Variants in AFF1 observed in about 807,000 individuals in gnomAD.
AFF1 encodes the protein AF4/FMR2 family member 1.
AFF1 carries 48 observed loss-of-function variants against 121.7 expected under a neutral mutation model. The observed-to-expected ratio is 0.39, with a 90% CI of 0.31 to 0.50. AFF1 has a LOEUF of 0.50. AFF1 is among the 20% of genes least tolerant of loss of function. AFF1 has a pLI of 0.76. For missense variants in AFF1, 1,523 were observed against 1,511.7 expected, an observed-to-expected ratio of 1.01 and a Z score of -0.12; for synonymous variants, 613 against 563.0, an observed-to-expected ratio of 1.09 and a Z score of -1.26.
intron 10 of AFF1, 141 bp from the exon 11 acceptor site, chr4:87,108,018 C>G: frequency 1.2e-6 from 1 of 823,958 alleles, no homozygotes; most frequent in Non-Finnish European, 1.8e-6. Context: ...TTGGGCCTCT[C>G]TCAGTTGGAT....
chr4:87,113,871 A>C (rs1163734616), intron 11 of AFF1, among the ~76,000 whole-genome samples: 2 of 152,154 alleles, frequency 1.3e-5, no homozygotes, highest in African/African-American at 4.8e-5. Context: ...GTCACACACA[A>C]AAAAGAGAAA....
chr4:86,980,926 G>A (rs1723686370), intron 2 of AFF1, among the ~76,000 whole-genome samples: 1 of 145,062 alleles, frequency 6.9e-6, no homozygotes, highest in South Asian at 2.1e-4. Context: ...TATAATCCCA[G>A]CACTTTGCGA....
At chr4:87,011,623 T>G (rs985736874) in intron 2 of AFF1, among the ~76,000 whole-genome samples, 7 of 152,238 alleles carry the variant, frequency 4.6e-5, no homozygotes, top group Admixed American at 4.6e-4. Flanking sequence ...GAAGAGATTT[T>G]GGGATGGAAA....
rs781023474 is a variant in AFF1, at chr4:87,046,826, G to A, written c.291G>A (p.Pro97=). The change falls in exon 4 of 21, where the codon CCG becomes CCA. Residue 97 remains proline (P), a synonymous_variant. Coordinates refer to ENST00000395146, the MANE Select transcript of AFF1 (RefSeq NM_001166693.3). ...CTTCTGAAAATAGGTTGGGAAAGCC[G>A]AAATATCCTTTAATTCCTGACAAAG... ...LDASENRLGK[P]KYPLIPDKGS... The A allele has an allele frequency of 7.9e-5, 127 of 1,614,058 alleles. No homozygotes were observed. The highest frequency in any genetic ancestry group is 9.6e-5 in the Non-Finnish European group (113 of 1,180,032).
At chr4:86,945,084 A>G (rs1262386815) in intron 1 of AFF1, among the ~76,000 whole-genome samples, 1 of 152,248 alleles carries the variant, frequency 6.6e-6, no homozygotes, top group Non-Finnish European at 1.5e-5. Context: ...GTGTGGATAT[A>G]GCTGCTACCA....
At chr4:87,085,132 C>T (rs557729155) in intron 5 of AFF1, among the ~76,000 whole-genome samples, 1 of 152,226 alleles carries the variant, frequency 6.6e-6, no homozygotes, top group Admixed American at 6.5e-5. Flanking sequence ...ACATTACCCA[C>T]TTGTTCAATT....
intron 2 of AFF1, among the ~76,000 whole-genome samples, chr4:86,985,501 CTG>C (rs1724177016): frequency 7.3e-6 from 1 of 137,530 alleles, no homozygotes; most frequent in Admixed American, 7.6e-5. Flanking sequence ...CAGCGAGACA[CTG>C]TCTCAAAAAA....
At chr4:87,093,639 G>A (rs1724538952) in intron 7 of AFF1, among the ~76,000 whole-genome samples, 1 of 152,158 alleles carries the variant, frequency 6.6e-6, no homozygotes, top group African/African-American at 2.4e-5. Context: ...CTGAAGAGGA[G>A]GGGCCTCTGC....
chr4:86,992,362 A>C (rs1296898354), intron 2 of AFF1, among the ~76,000 whole-genome samples: 1 of 152,224 alleles, frequency 6.6e-6, no homozygotes, highest in Non-Finnish European at 1.5e-5. Context: ...GTGCATGCTC[A>C]GTAAATTCAT....
intron 2 of AFF1, chr4:87,006,992 A>C: frequency 3.7e-6 from 4 of 1,070,390 alleles, no homozygotes; most frequent in East Asian, 5.4e-5. Context: ...CCCAGAGGCA[A>C]TTTCTTTTCC....
At chr4:87,072,977 G>A (rs779998429) in intron 4 of AFF1, among the ~76,000 whole-genome samples, 3 of 151,822 alleles carry the variant, frequency 2.0e-5, no homozygotes, top group Admixed American at 1.3e-4. Flanking sequence ...GATGTAGTTT[G>A]TGTATAGTTT....
rs1730768432 is a variant in AFF1 at position 87,047,020 on chromosome 4, A to G, written c.485A>G (p.Asp162Gly). The change falls in exon 4 of 21, where the codon GAC (aspartate) becomes GGC (glycine). Residue 162 changes from aspartate (D) to glycine (G), a missense_variant. Asp to Gly is a moderately conservative substitution (Grantham distance 94). Around this residue, in one of 5 missense-constraint regions of AFF1, gnomAD observed 369 missense variants for 367.2 expected, o/e 1.00. Transcript: ENST00000395146. ...CATGCCAAAAGCTGCGGCCCACCGG[A>G]CAGCCAGCACCTGACCCAGGATCGC... ...SLHAKSCGPP[D>G]SQHLTQDRLG... 2.5e-6 allele frequency: 4 copies of G among 1,614,092 alleles called. No individual in the cohort carries two copies. The highest frequency in any genetic ancestry group is 3.4e-6 in the Non-Finnish European group (4 of 1,180,044).
In AFF1 at chr4:87,115,152, C is replaced by T. The variant is rs1357494257; in HGVS notation, c.2319C>T (p.Thr773=). Residue 773 remains threonine (T), a synonymous_variant, in exon 12 of 21, where the codon ACC becomes ACT. Transcript: ENST00000395146. ...PPPQSLMVKI[T]LDLLSRIPQP... ...CACAAAGCTTGATGGTGAAGATCACCCTAGACCTGCTCTCTCGGATACCCC... is the reference window on the plus strand; with the variant it reads ...CACAAAGCTTGATGGTGAAGATCACTCTAGACCTGCTCTCTCGGATACCCC... The T allele has an allele frequency of 2.5e-6, 4 of 1,614,038 alleles. No homozygotes were observed. The highest frequency in any genetic ancestry group is 1.7e-5 in the Admixed American group (1 of 60,008).
intron 11 of AFF1, among the ~76,000 whole-genome samples, chr4:87,112,057 G>A (rs965257456): frequency 6.6e-6 from 1 of 152,174 alleles, no homozygotes; most frequent in East Asian, 1.9e-4. Context: ...TATAGCCAGT[G>A]GGTAAGATAT....
intron 4 of AFF1, among the ~76,000 whole-genome samples, chr4:87,065,790 GC>G (rs1282733901): frequency 3.3e-5 from 2 of 60,618 alleles, no homozygotes; most frequent in Non-Finnish European, 6.2e-5. Flanking sequence ...ATTAAATTTT[GC>G]CCATTATTTT....
intron 2 of AFF1, among the ~76,000 whole-genome samples, chr4:87,028,833 C>T (rs1728788910): frequency 6.6e-6 from 1 of 152,088 alleles, no homozygotes; most frequent in Admixed American, 6.5e-5. Context: ...TAGAGAAATG[C>T]TAGGACTATT....
chr4:87,110,448 TTTGTTTTGTTTTG>T (rs1205619584), intron 11 of AFF1, among the ~76,000 whole-genome samples: 1 of 28,608 alleles, frequency 3.5e-5, no homozygotes, highest in Non-Finnish European at 1.1e-4. Context: ...GTTTTTTTGT[TTTGTTTTGTTTTG>T]TTTTGTTTTG....
chr4:87,137,551 A>G lies in AFF1; in HGVS notation c.*1850A>G, dbSNP rs1729397657. On this transcript the variant is annotated 3_prime_UTR_variant, in exon 21 of 21. Transcript: ENST00000395146. ...AAGCCAGAGAATGACAGCTGTAGTC[A>G]TATCTGAGCATAAGACCTTGATGTG... 1 of 230,798 alleles carries G rather than the reference A, an allele frequency of 4.3e-6. No individual in the cohort carries two copies. Among genetic ancestry groups the G allele is most frequent in the Non-Finnish European group, 8.6e-6 (1 of 116,520 alleles). 14.3% of individuals were successfully genotyped at this position (230,798 alleles called of 1,614,324 possible). A position where few individuals can be genotyped will look rare whatever the true frequency, so the allele number is the denominator to read the frequency against.
At chr4:86,965,718 G>T (rs1159173297) in intron 2 of AFF1, among the ~76,000 whole-genome samples, 3 of 152,132 alleles carry the variant, frequency 2.0e-5, no homozygotes, top group African/African-American at 7.2e-5. Flanking sequence ...TTTGCTGATT[G>T]CAGCCCATGG....
Sources: allele counts gnomAD v4.1 joint callset (sites outside exome capture counted in the v4.1 genomes callset), GRCh38; gene constraint gnomAD v4.1.1; regional missense constraint gnomAD v4.1.1; transcripts MANE v1.5; gene names NCBI Gene and HGNC (gene_info 2026-07-23, HGNC 2026-07-21).